The following TFB1M variants were observed in gnomAD, a reference collection of about 807,000 sequenced individuals.
TFB1M encodes dimethyladenosine transferase 1, mitochondrial.
A neutral mutation model predicts 31.1 loss-of-function variants in TFB1M; 27 were observed. That is an observed-to-expected ratio of 0.87 (90% CI 0.64 to 1.20). The LOEUF (loss-of-function observed/expected upper bound fraction) is 1.20. Ranked by LOEUF, TFB1M falls within the 50% of genes most tolerant of loss-of-function variation. TFB1M has a pLI of 0.00. For missense variants in TFB1M, 394 were observed against 418.7 expected (o/e 0.94, Z 0.51); for synonymous variants, 166 against 151.8 (o/e 1.09, Z -0.69).
intron 2 of TFB1M, among the ~76,000 whole-genome samples, chr6:155,307,136 TACACACAC>T (rs61677970): frequency 4.8e-4 from 70 of 147,350 alleles, no homozygotes; most frequent in East Asian, 2.0e-3. Flanking sequence ...CTCAAACACA[TACACACAC>T]ACACACACAC....
At chr6:155,258,105 GA>G in intron 6 of TFB1M, 23 bp from the exon 7 acceptor site, 1 of 1,613,752 alleles carries the variant, frequency 6.2e-7, no homozygotes, top group Non-Finnish European at 8.5e-7. Flanking sequence ...CAGACAGACA[GA>G]AAAATAAGAA....
At chr6:155,271,304 T>G (rs118160857) in intron 5 of TFB1M, among the ~76,000 whole-genome samples, 2 of 152,340 alleles carry the variant, frequency 1.3e-5, no homozygotes, top group African/African-American at 2.4e-5. Flanking sequence ...GAAATCCATC[T>G]GTACCATTAT....
In TFB1M at chr6:155,314,311, C is replaced by T; in HGVS notation, c.118G>A (p.Asp40Asn). 6.2e-7 allele frequency: 1 copy of T among 1,614,126 alleles called. No individual in the cohort carries two copies. The highest frequency in any genetic ancestry group is 8.5e-7 in the Non-Finnish European group (1 of 1,179,994). The change falls in exon 1 of 7, where the codon GAC becomes AAC. Residue 40 changes from aspartate to asparagine, a missense_variant. Asp to Asn is a conservative substitution (Grantham distance 23). This residue lies in a region of TFB1M where 273 missense variants were observed against 256.4 expected (regional missense o/e 1.06). Transcript: ENST00000367166. The stretch of plus-strand genomic sequence containing the variant: ...AGCCATCCACCTGTCAGCCTCAAGT[C>T]CAGGAGGAAATTCTGTGATAGCTGC... ...AKQLSQNFLL[D>N]LRLTDKIVRK... is the part of the protein sequence containing the mutation.
chr6:155,294,854 A>C (rs1460824959), intron 4 of TFB1M, among the ~76,000 whole-genome samples: 1 of 152,204 alleles, frequency 6.6e-6, no homozygotes, highest in Non-Finnish European at 1.5e-5. Context: ...TGTTTACAAC[A>C]GTTTTGTTTG....
chr6:155,292,949 C>T (rs1230958211), intron 4 of TFB1M, among the ~76,000 whole-genome samples: 1 of 152,150 alleles, frequency 6.6e-6, no homozygotes, highest in Non-Finnish European at 1.5e-5. Context: ...CCACCTCAGC[C>T]TCCTGAGTAG....
chr6:155,284,020 C>G (rs1481133108), intron 5 of TFB1M, among the ~76,000 whole-genome samples: 2 of 152,138 alleles, frequency 1.3e-5, no homozygotes, highest in Non-Finnish European at 2.9e-5. Context: ...GTCTGAGATG[C>G]TGAAGGGAGG....
rs202137053 is a variant in TFB1M, at chr6:155,314,447, T to A, written c.-19A>T. 76 of 1,613,802 alleles carry A rather than the reference T, an allele frequency of 4.7e-5. No individual in the cohort carries two copies. Among genetic ancestry groups the A allele is most frequent in the Non-Finnish European group, 8.5e-6 (10 of 1,179,968 alleles). ...CAGCCATGATACGCGGCAAGCACCA[T>A]CCAACCCTACCTCACCCAGGACCTT... On this transcript the variant is annotated 5_prime_UTR_variant, in exon 1 of 7. An upstream start codon of the reference 5' UTR is lost. Coordinates refer to ENST00000367166, the MANE Select transcript of TFB1M (RefSeq NM_016020.4).
the TFB1M span, among the ~76,000 whole-genome samples, chr6:155,247,377 G>A: frequency 1.1e-4 from 16 of 152,234 alleles, no homozygotes; most frequent in African/African-American, 3.6e-4. Context: ...TGCCTAGGCT[G>A]GAGTGCAGTG....
Position 155,275,980 on chromosome 6 carries a change from G to A in TFB1M, c.666+9178C>T, listed in dbSNP as rs114329733. On this transcript the variant is annotated intron_variant, in intron 5 of 6. Transcript: ENST00000367166. The stretch of plus-strand genomic sequence containing the variant: ...CTGCGAGAGCCACCATGGTCCTGGC[G>A]TGTGTTCTGTCTGCTTTGGGGATCT... 2.3e-4 allele frequency: 366 copies of A among 1,614,144 alleles called. 4 individuals carry two copies. The African/African-American group carries it at 4.6e-3, about 20-fold the overall frequency.
At chr6:155,296,023 A>T (rs1396194779) in intron 4 of TFB1M, among the ~76,000 whole-genome samples, 1 of 152,040 alleles carries the variant, frequency 6.6e-6, no homozygotes, top group African/African-American at 2.4e-5. Flanking sequence ...TCATAATAAA[A>T]TTTTTTTAAA....
At chr6:155,244,426 C>T in the TFB1M span, among the ~76,000 whole-genome samples, 2 of 152,202 alleles carry the variant, frequency 1.3e-5, no homozygotes, top group South Asian at 2.1e-4. Flanking sequence ...GAGAATTTTA[C>T]ATCCACTTAA....
intron 4 of TFB1M, among the ~76,000 whole-genome samples, chr6:155,289,125 C>T (rs532395141): frequency 9.9e-5 from 15 of 151,964 alleles, no homozygotes; most frequent in Non-Finnish European, 1.5e-4. Context: ...TAGGCTTACA[C>T]TTGAGAAGCT....
intron 2 of TFB1M, among the ~76,000 whole-genome samples, chr6:155,309,264 G>C (rs2114814670): frequency 6.6e-6 from 1 of 152,270 alleles, no homozygotes; most frequent in Non-Finnish European, 1.5e-5. Context: ...TCTCATGTGA[G>C]ACATTTACTG....
chr6:155,298,023 G>A (rs556146083), intron 3 of TFB1M, among the ~76,000 whole-genome samples: 311 of 152,332 alleles, frequency 2.0e-3, no homozygotes, highest in Admixed American at 3.6e-3. Context: ...GCATTCTGAA[G>A]GGCTGCACAC....
At chr6:155,240,706 G>A in the TFB1M span, 1 of 1,608,638 alleles carries the variant, frequency 6.2e-7, no homozygotes, top group Admixed American at 1.7e-5. Flanking sequence ...AGTCCTACGT[G>A]AAGGTAAGGG....
chr6:155,306,315 C>T (rs894909935), intron 2 of TFB1M, among the ~76,000 whole-genome samples: 2 of 152,072 alleles, frequency 1.3e-5, no homozygotes, highest in African/African-American at 4.8e-5. Flanking sequence ...GTATAATATA[C>T]GTCTACCACA....
chr6:155,245,814 TAG>T, the TFB1M span: 3 of 945,472 alleles, frequency 3.2e-6, no homozygotes, highest in Non-Finnish European at 4.7e-6. Context: ...ATTTAACAAG[TAG>T]AGAGTAAGTA....
chr6:155,295,535 T>C (rs938412414), intron 4 of TFB1M, among the ~76,000 whole-genome samples: 2 of 152,162 alleles, frequency 1.3e-5, no homozygotes, highest in Admixed American at 6.5e-5. Context: ...TCAAAGGTAC[T>C]AGTGATTTAA....
At chr6:155,248,000 C>T in the TFB1M span, 1 of 1,613,806 alleles carries the variant, frequency 6.2e-7, no homozygotes, top group Non-Finnish European at 8.5e-7. Flanking sequence ...CTGCTTGTAG[C>T]TAAAACTGAC....
Sources: allele counts gnomAD v4.1 joint callset (sites outside exome capture counted in the v4.1 genomes callset), GRCh38; gene constraint gnomAD v4.1.1; regional missense constraint gnomAD v4.1.1; transcripts MANE v1.5; gene names NCBI Gene and HGNC (gene_info 2026-07-23, HGNC 2026-07-21).